NPTN: variants seen among roughly 807,000 people sequenced by gnomAD.
The protein encoded by NPTN is SDR-1.
In NPTN, 5 loss-of-function variants were observed where a neutral mutation model predicts 42.7. That is an observed-to-expected ratio of 0.12 (90% CI 0.06 to 0.25). NPTN has a LOEUF of 0.25. Among genes scored for constraint, NPTN ranks in the 10% least tolerant of loss-of-function variants. NPTN has a pLI of 1.00. For missense variants in NPTN, 307 were observed against 525.4 expected (o/e 0.58, Z 4.06); for synonymous variants, 180 against 201.9 (o/e 0.89, Z 0.92).
intron 5 of NPTN, 53 bp downstream of exon 5, chr15:73,573,609 C>T (rs1477480154): frequency 2.6e-6 from 4 of 1,510,950 alleles, no homozygotes; most frequent in Non-Finnish European, 3.5e-6. Flanking sequence ...CGTGTCTGGA[C>T]CTCTGCAGGG....
intron 2 of NPTN, among the ~76,000 whole-genome samples, 178 bp from the exon 3 acceptor site, chr15:73,592,315 T>C (rs1204977703): frequency 6.6e-6 from 1 of 152,162 alleles, no homozygotes; most frequent in African/African-American, 2.4e-5. Context: ...ACAATGATTA[T>C]AAGCAAATGA....
At chr15:73,600,422 C>G (rs184936580) in intron 1 of NPTN, among the ~76,000 whole-genome samples, 2 of 152,290 alleles carry the variant, frequency 1.3e-5, no homozygotes, top group Non-Finnish European at 2.9e-5. Context: ...ATGTGCTAAG[C>G]ACTTTATTCA....
intron 6 of NPTN, chr15:73,567,858 C>G (rs1895122905): frequency 1.0e-6 from 1 of 985,342 alleles, no homozygotes; most frequent in African/African-American, 1.7e-5. Flanking sequence ...GATTTTTCAC[C>G]CCAATGCAAC....
chr15:73,581,708 T>C lies in NPTN; in HGVS notation c.706+5816A>G, dbSNP rs1336190538. Among the ~76,000 whole-genome samples the C allele has an allele frequency of 2.0e-5, 3 of 152,322 alleles. No individual in the cohort carries two copies. The East Asian group carries it at 5.8e-4, about 29-fold the overall frequency. Reference sequence around the variant, plus strand: ...GGGTCAGCTTCTAGGCCAGGCTGGATGCTGTAGAAACTGTCAACTCAGGCC... The same window carrying C: ...GGGTCAGCTTCTAGGCCAGGCTGGACGCTGTAGAAACTGTCAACTCAGGCC... On this transcript the variant is annotated intron_variant, in intron 4 of 8. Transcript: ENST00000345330.
intron 6 of NPTN, chr15:73,568,525 CT>C: frequency 2.0e-6 from 2 of 985,476 alleles, no homozygotes; most frequent in Non-Finnish European, 2.4e-6. Context: ...TTTCCCTTTA[CT>C]CCCAGGTCTA....
intron 4 of NPTN, among the ~76,000 whole-genome samples, chr15:73,586,784 G>A (rs1251011922): frequency 6.6e-6 from 1 of 152,168 alleles, no homozygotes; most frequent in Non-Finnish European, 1.5e-5. Flanking sequence ...TGATAATTTT[G>A]TGAGAGTAGA....
chr15:73,593,028 C>T (rs1896669631), intron 2 of NPTN, among the ~76,000 whole-genome samples: 1 of 152,136 alleles, frequency 6.6e-6, no homozygotes, highest in South Asian at 2.1e-4. Context: ...CCTTGCCCCC[C>T]ATCCCCAAGA....
At chr15:73,571,702 G>A (rs1381039381) in intron 5 of NPTN, among the ~76,000 whole-genome samples, 1 of 152,028 alleles carries the variant, frequency 6.6e-6, no homozygotes, top group Non-Finnish European at 1.5e-5. Context: ...ATGAGATCCC[G>A]GCAGGGAAAA....
chr15:73,576,274 T>C (rs1017788018), intron 4 of NPTN, among the ~76,000 whole-genome samples: 2 of 152,162 alleles, frequency 1.3e-5, no homozygotes, highest in African/African-American at 2.4e-5. Context: ...TTTAGCATGG[T>C]CGTGAAGAAA....
At chr15:73,619,858 T>G (rs574632621) in intron 1 of NPTN, among the ~76,000 whole-genome samples, 48 of 152,314 alleles carry the variant, frequency 3.2e-4, no homozygotes, top group Non-Finnish European at 5.7e-4. Flanking sequence ...TGAATGGGTA[T>G]TAGGGCAAAG....
At chr15:73,611,860 T>C (rs142356724) in intron 1 of NPTN, among the ~76,000 whole-genome samples, 1 of 152,228 alleles carries the variant, frequency 6.6e-6, no homozygotes, top group Non-Finnish European at 1.5e-5. Context: ...AGGGGGTACA[T>C]GGGAACTCTC....
intron 1 of NPTN, among the ~76,000 whole-genome samples, chr15:73,610,770 C>T (rs541624454): frequency 6.6e-6 from 1 of 152,098 alleles, no homozygotes; most frequent in African/African-American, 2.4e-5. Context: ...CTTCTGGTCC[C>T]CTCCAGTATT....
chr15:73,580,468 T>TA (rs1895956860), intron 4 of NPTN, among the ~76,000 whole-genome samples: 1 of 135,706 alleles, frequency 7.4e-6, no homozygotes. Flanking sequence ...ACAAAATATA[T>TA]TTATATATAC....
At chr15:73,623,547 C>A (rs758145652) in intron 1 of NPTN, among the ~76,000 whole-genome samples, 2 of 152,022 alleles carry the variant, frequency 1.3e-5, no homozygotes, top group Non-Finnish European at 2.9e-5. Flanking sequence ...ATTAGCCAGG[C>A]ATGGAGGTAT....
chr15:73,561,929 C>T lies in NPTN; in HGVS notation c.1178G>A (p.Arg393His), dbSNP rs1268629788. The part of the protein sequence containing the change: ...STNNHKDKNL[R>H]QRNTN ...CAGTACTTAATTTGTGTTTCTCTGG[C>T]GCAAGTTTTTATCTTTGTGATTGTT... Residue 393 changes from arginine to histidine, a missense_variant, in exon 8 of 9, where the codon CGC becomes CAC. By Grantham distance (29) the Arg-to-His change is conservative. Transcript: ENST00000345330. 5.6e-6 allele frequency: 9 copies of T among 1,594,774 alleles called. No homozygotes were observed. The highest frequency in any genetic ancestry group is 1.1e-5 in the South Asian group (1 of 86,998).
At chr15:73,580,414 T>A (rs1028847471) in intron 4 of NPTN, among the ~76,000 whole-genome samples, 1 of 112,582 alleles carries the variant, frequency 8.9e-6, no homozygotes, top group African/African-American at 3.4e-5. Flanking sequence ...ATATATAATA[T>A]ATATATAATA....
chr15:73,579,274 T>C (rs1314472703), intron 4 of NPTN, among the ~76,000 whole-genome samples: 1 of 106,524 alleles, frequency 9.4e-6, no homozygotes, highest in Admixed American at 1.0e-4. Context: ...GGGGACTCCG[T>C]CTCAAAAAAA....
chr15:73,599,380 C>G (rs558386883), intron 1 of NPTN: 2 of 153,704 alleles, frequency 1.3e-5, no homozygotes, highest in Admixed American at 6.5e-5. Flanking sequence ...CTTTGGGAGG[C>G]TGAGGCGGGA....
At chr15:73,573,219 A>C (rs1895506776) in intron 5 of NPTN, among the ~76,000 whole-genome samples, 2 of 152,178 alleles carry the variant, frequency 1.3e-5, no homozygotes, top group Admixed American at 1.3e-4. Flanking sequence ...AGTTACAGTA[A>C]TCTGAAAGCA....
Sources: gnomAD v4.1 joint callset for allele counts (sites outside exome capture counted in the v4.1 genomes callset) on GRCh38, gnomAD v4.1.1 for gene constraint, MANE v1.5 for transcripts, NCBI Gene and HGNC (gene_info 2026-07-23, HGNC 2026-07-21) for gene names.